TNR: variants seen among roughly 807,000 people sequenced by gnomAD.
The protein encoded by TNR is tenascin R, also known as tenascin-R.
A neutral mutation model predicts 150.4 loss-of-function variants in TNR; 45 were observed. The ratio of observed to expected loss-of-function variants is 0.30; its 90% CI spans 0.24 to 0.38. The LOEUF is 0.38. TNR is among the 10% of genes least tolerant of loss of function. The pLI, the probability that TNR is intolerant of heterozygous loss-of-function variation, is 1.00. For missense variants in TNR, 1,544 were observed against 1,759.1 expected (o/e 0.88, Z 2.19); for synonymous variants, 687 against 678.4 (o/e 1.01, Z -0.20).
intron 1 of TNR, among the ~76,000 whole-genome samples, chr1:175,558,507 T>C (rs2102207434): frequency 6.6e-6 from 1 of 152,272 alleles, no homozygotes; most frequent in Admixed American, 6.5e-5. Context: ...ATGAGTGCAT[T>C]AAACAGACTT....
At chr1:175,538,733 A>T (rs1182876251) in intron 1 of TNR, 1 of 152,222 alleles carries the variant, frequency 6.6e-6, no homozygotes, top group Non-Finnish European at 1.5e-5. Flanking sequence ...ACCCCTCCAC[A>T]TACACATTTC....
At chr1:175,575,849 T>C (rs1571627477) in intron 1 of TNR, among the ~76,000 whole-genome samples, 1 of 152,280 alleles carries the variant, frequency 6.6e-6, no homozygotes, top group East Asian at 1.9e-4. Context: ...GGGACTGCAC[T>C]GCTAAGTTGA....
Position 175,354,485 on chromosome 1 carries a change from C to T in TNR, c.3288G>A (p.Leu1096=), listed in dbSNP as rs1441509251. The T allele has an allele frequency of 1.9e-6, 3 of 1,613,974 alleles. No homozygotes were observed. Among genetic ancestry groups the T allele is most frequent in the Non-Finnish European group, 2.5e-6 (3 of 1,180,002 alleles). ...AGTCTGTGTTCTCCAACAGGCCCTC[C>T]AGTCGAATCCAGGTGTCTTCTGCAT... The part of the protein sequence containing the change: ...IVDAEDTWIR[L]EGLLENTDYT... Residue 1096 remains leucine, a synonymous_variant, in exon 18 of 23, where the codon CTG becomes CTA. Transcript: ENST00000367674.
intron 2 of TNR, among the ~76,000 whole-genome samples, chr1:175,503,181 G>A (rs1005599485): frequency 5.3e-5 from 8 of 152,184 alleles, no homozygotes; most frequent in East Asian, 1.9e-4. Context: ...GGGAAGAGAA[G>A]CCTCCCTAAG....
chr1:175,335,959 C>T (rs2101990868), intron 19 of TNR, 152 bp from the exon 20 acceptor site: 1 of 698,698 alleles, frequency 1.4e-6, no homozygotes, highest in South Asian at 1.9e-5. Flanking sequence ...CATTTCAGAG[C>T]AGAGCTCAGT....
At chr1:175,705,734 C>A (rs1043752127) in intron 1 of TNR, among the ~76,000 whole-genome samples, 1 of 152,098 alleles carries the variant, frequency 6.6e-6, no homozygotes, top group Non-Finnish European at 1.5e-5. Flanking sequence ...AAAATAATGT[C>A]TCCTGAACAA....
chr1:175,689,638 A>G (rs1165110138), intron 1 of TNR, among the ~76,000 whole-genome samples: 1 of 152,152 alleles, frequency 6.6e-6, no homozygotes, highest in Non-Finnish European at 1.5e-5. Flanking sequence ...GACAGACATC[A>G]ATAACCTTGC....
intron 2 of TNR, among the ~76,000 whole-genome samples, chr1:175,416,751 G>C (rs931812616): frequency 6.6e-6 from 1 of 152,280 alleles, no homozygotes; most frequent in Non-Finnish European, 1.5e-5. Flanking sequence ...GCTCACGCCT[G>C]TAATCCCAGC....
intron 2 of TNR, among the ~76,000 whole-genome samples, chr1:175,426,006 G>T (rs926741132): frequency 2.0e-5 from 3 of 152,148 alleles, no homozygotes; most frequent in Admixed American, 1.3e-4. Flanking sequence ...ACCATGACTT[G>T]CCTCCATGCT....
chr1:175,399,687 G>A lies in TNR; in HGVS notation c.977-2880C>T, dbSNP rs536892446. On this transcript the variant is annotated intron_variant, in intron 4 of 22. Coordinates refer to ENST00000367674, the MANE Select transcript of TNR (RefSeq NM_003285.3). ...TCATGCCTTAATTCAATGAATTCAC[G>A]GTGGGTGCAAAGTATTCTTAGCCTT... Among the ~76,000 whole-genome samples, 12 of 152,278 alleles carry A rather than the reference G, an allele frequency of 7.9e-5. 1 individual carries two copies. In the South Asian group the frequency reaches 1.9e-3, roughly 24 times the overall value.
chr1:175,692,929 G>A (rs1325281058), intron 1 of TNR, among the ~76,000 whole-genome samples: 1 of 152,178 alleles, frequency 6.6e-6, no homozygotes, highest in East Asian at 1.9e-4. Context: ...TGGGAAGAAT[G>A]TTCACCCATT....
chr1:175,420,731 G>A (rs1294657551), intron 2 of TNR, among the ~76,000 whole-genome samples: 2 of 152,142 alleles, frequency 1.3e-5, no homozygotes, highest in Admixed American at 6.6e-5. Context: ...TAAGGTGGGC[G>A]TATTGCTCCA....
At position 175,360,694 on chromosome 1, in the gene TNR, AAAC is replaced by A. The variant is rs575014602; in HGVS notation, c.2855-966_2855-964del. ...CTTGCCTATGTCCTTTATCACAAAGAAACAACCTGCACAATATTTTCATGTTAA... is the reference window on the plus strand; with the variant it reads ...CTTGCCTATGTCCTTTATCACAAAGAAACCTGCACAATATTTTCATGTTAA... On this transcript the variant is annotated intron_variant, in intron 14 of 22. Coordinates refer to ENST00000367674, the MANE Select transcript of TNR (RefSeq NM_003285.3). Among the ~76,000 whole-genome samples the A allele has an allele frequency of 1.2e-3, 179 of 152,330 alleles. 1 individual carries two copies. Among genetic ancestry groups the A allele is most frequent in the African/African-American group, 4.1e-3 (170 of 41,570 alleles).
intron 1 of TNR, among the ~76,000 whole-genome samples, chr1:175,536,785 G>A (rs940069095): frequency 6.6e-6 from 1 of 152,176 alleles, no homozygotes; most frequent in Non-Finnish European, 1.5e-5. Context: ...TGGAATTAAG[G>A]AATTCTACTT....
At chr1:175,693,035 T>G (rs1451912912) in intron 1 of TNR, among the ~76,000 whole-genome samples, 2 of 152,214 alleles carry the variant, frequency 1.3e-5, no homozygotes, top group Non-Finnish European at 2.9e-5. Context: ...CACAGACCTC[T>G]GCACTTGTAA....
intron 1 of TNR, among the ~76,000 whole-genome samples, chr1:175,655,786 C>G (rs945758343): frequency 2.0e-5 from 3 of 152,170 alleles, no homozygotes; most frequent in African/African-American, 4.8e-5. Context: ...AATGTCCTGC[C>G]CTGTGAGGGA....
intron 1 of TNR, among the ~76,000 whole-genome samples, chr1:175,658,630 C>T (rs1383748429): frequency 6.6e-6 from 1 of 152,214 alleles, no homozygotes; most frequent in South Asian, 2.1e-4. Flanking sequence ...TGCTCATGAT[C>T]TGGCAATATA....
At chr1:175,506,818 A>G (rs908076252) in intron 2 of TNR, among the ~76,000 whole-genome samples, 7 of 152,226 alleles carry the variant, frequency 4.6e-5, no homozygotes, top group African/African-American at 1.4e-4. Context: ...TGAGTCATTC[A>G]CTTATTTGGG....
intron 2 of TNR, among the ~76,000 whole-genome samples, chr1:175,481,284 G>A (rs747715069): frequency 6.2e-4 from 94 of 152,212 alleles, no homozygotes; most frequent in Non-Finnish European, 1.8e-4. Context: ...CGAGATTTAA[G>A]TATGTGGTAA....
Sources: allele counts gnomAD v4.1 joint callset (sites outside exome capture counted in the v4.1 genomes callset), GRCh38; gene constraint gnomAD v4.1.1; transcripts MANE v1.5; gene names NCBI Gene and HGNC (gene_info 2026-07-23, HGNC 2026-07-21).